CCDC62: variants seen among roughly 807,000 people sequenced by gnomAD.
CCDC62 encodes coiled-coil domain containing 62.
Under a neutral mutation model 80.8 loss-of-function variants are expected in CCDC62, and 72 were observed. That is an observed-to-expected ratio of 0.89 (90% CI 0.74 to 1.08). CCDC62 has a LOEUF of 1.08. Among genes scored for constraint, CCDC62 ranks in the 50% least tolerant of loss-of-function variants. The pLI is 0.00. For missense variants in CCDC62, 704 were observed against 809.4 expected, an observed-to-expected ratio of 0.87 and a Z score of 1.58; for synonymous variants, 286 against 296.5, an observed-to-expected ratio of 0.96 and a Z score of 0.36.
intron 8 of CCDC62, among the ~76,000 whole-genome samples, chr12:122,800,876 G>T (rs1447406316): frequency 6.6e-6 from 1 of 152,194 alleles, no homozygotes; most frequent in Non-Finnish European, 1.5e-5. Context: ...AAAAGGTTTT[G>T]TCACATTTCT....
intron 11 of CCDC62, among the ~76,000 whole-genome samples, chr12:122,821,410 G>A (rs761606713): frequency 3.3e-5 from 5 of 152,184 alleles, no homozygotes; most frequent in Non-Finnish European, 7.3e-5. Context: ...GCAATTGTAT[G>A]CAGTCACTTC....
chr12:122,800,834 G>A (rs2031259547), intron 8 of CCDC62, among the ~76,000 whole-genome samples: 1 of 152,150 alleles, frequency 6.6e-6, no homozygotes, highest in Admixed American at 6.5e-5. Context: ...CTGAATACAA[G>A]TGACATGAAA....
chr12:122,781,690 AAAAAAAG>A (rs780948327), intron 3 of CCDC62, among the ~76,000 whole-genome samples: 1 of 152,162 alleles, frequency 6.6e-6, no homozygotes, highest in East Asian at 1.9e-4. Context: ...TGTCTCAAAA[AAAAAAAG>A]AAAAAAGAAA....
At chr12:122,791,326 A>G (rs887503583) in intron 5 of CCDC62, among the ~76,000 whole-genome samples, 37 of 151,672 alleles carry the variant, frequency 2.4e-4, no homozygotes, top group Admixed American at 2.4e-3. Flanking sequence ...TTTAGTAGAG[A>G]CGGGGTTTTA....
chr12:122,775,093 C>CA (rs36059141), intron 1 of CCDC62, among the ~76,000 whole-genome samples: 43,976 of 60,520 alleles, frequency 0.73, 16,447 homozygotes, highest in Non-Finnish European at 0.81. Context: ...GACTCCGTCT[C>CA]AAAAAAAAAA....
At chr12:122,781,434 C>T (rs1388902255) in intron 3 of CCDC62, 104 bp downstream of exon 3, 1 of 1,112,656 alleles carries the variant, frequency 9.0e-7, no homozygotes, top group African/African-American at 1.6e-5. Context: ...TCCTGTAATG[C>T]CAACACTTTG....
At chr12:122,823,545 C>T (rs1199712851) in intron 12 of CCDC62, 86 bp downstream of exon 12, 2 of 706,614 alleles carry the variant, frequency 2.8e-6, no homozygotes, top group East Asian at 5.0e-5. Context: ...GAGTCAAGGC[C>T]ATGCATTTGT....
At chr12:122,780,443 C>T (rs1879777901) in intron 2 of CCDC62, among the ~76,000 whole-genome samples, 1 of 151,476 alleles carries the variant, frequency 6.6e-6, no homozygotes, top group African/African-American at 2.4e-5. Flanking sequence ...GAAACCCCGT[C>T]TCTACTAAAA....
chr12:122,811,331 C>G (rs1213294711), intron 10 of CCDC62, among the ~76,000 whole-genome samples: 1 of 149,300 alleles, frequency 6.7e-6, no homozygotes, highest in Non-Finnish European at 1.5e-5. Context: ...CCTGCCTCAG[C>G]CTCCCTAGTA....
At chr12:122,822,011 G>A (rs75471208) in intron 11 of CCDC62, among the ~76,000 whole-genome samples, 6,531 of 148,932 alleles carry the variant, frequency 0.044, 256 homozygotes, top group East Asian at 0.23. Context: ...GGAGGATCAC[G>A]TGAAGCCAGG....
At chr12:122,817,821 C>CGTGT (rs945002677) in intron 11 of CCDC62, among the ~76,000 whole-genome samples, 4 of 151,290 alleles carry the variant, frequency 2.6e-5, no homozygotes, top group Non-Finnish European at 4.4e-5. Context: ...TGCATGCATG[C>CGTGT]GTGTGTGTGT....
At position 122,801,687 on chromosome 12, in the gene CCDC62, A is replaced by G. The variant is rs1301129720; in HGVS notation, c.1541A>G (p.Lys514Arg). 6.2e-7 allele frequency: 1 copy of G among 1,614,190 alleles called. No homozygotes were observed. Residue 514 changes from lysine to arginine, a missense_variant, in exon 9 of 13, where the codon AAG becomes AGG. Coordinates refer to ENST00000253079, the MANE Select transcript of CCDC62 (RefSeq NM_201435.5). ...GGCGAAAGTGGCATGTGTGACTCCA[A>G]GTGCTGCCACCCGAGTAACTTCATA... is the stretch of plus-strand genomic sequence containing the variant. ...CLGESGMCDSKCCHPSNFIIE... is the reference protein window; with the variant it reads ...CLGESGMCDSRCCHPSNFIIE...
chr12:122,777,802 C>A, intron 2 of CCDC62, 119 bp downstream of exon 2: 1 of 904,072 alleles, frequency 1.1e-6, no homozygotes, highest in South Asian at 1.7e-5. Context: ...CAAGTTTAGG[C>A]TCATTGGAGA....
At chr12:122,803,099 C>T (rs764906117) in intron 9 of CCDC62, among the ~76,000 whole-genome samples, 1 of 152,040 alleles carries the variant, frequency 6.6e-6, no homozygotes, top group African/African-American at 2.4e-5. Context: ...AGGCTGGTCT[C>T]GAACTCCTGG....
intron 5 of CCDC62, among the ~76,000 whole-genome samples, chr12:122,790,744 A>T (rs901304333): frequency 6.6e-6 from 1 of 152,126 alleles, no homozygotes; most frequent in African/African-American, 2.4e-5. Context: ...GTGGGACTGC[A>T]GGTTCCAGCC....
At chr12:122,799,784 G>C (rs562239117) in intron 8 of CCDC62, among the ~76,000 whole-genome samples, 3 of 152,294 alleles carry the variant, frequency 2.0e-5, no homozygotes, top group Admixed American at 1.3e-4. Context: ...GCAGGGCTTA[G>C]TAGCTGCAGC....
intron 2 of CCDC62, among the ~76,000 whole-genome samples, chr12:122,778,217 G>A (rs1209507456): frequency 6.6e-6 from 1 of 151,926 alleles, no homozygotes; most frequent in Non-Finnish European, 1.5e-5. Flanking sequence ...AACTGGGCAT[G>A]GTGATGCACA....
chr12:122,775,301 C>T (rs1879364730), intron 1 of CCDC62, among the ~76,000 whole-genome samples: 1 of 151,966 alleles, frequency 6.6e-6, no homozygotes, highest in Admixed American at 6.6e-5. Flanking sequence ...CACAACCTGG[C>T]GAGTAGAGGA....
intron 10 of CCDC62, among the ~76,000 whole-genome samples, chr12:122,811,440 A>G (rs1330296509): frequency 1.7e-4 from 26 of 150,104 alleles, no homozygotes; most frequent in Non-Finnish European, 7.4e-5. Flanking sequence ...CAAACTCCCA[A>G]CCTCAGGTGA....
Sources: gnomAD v4.1 joint callset for allele counts (sites outside exome capture counted in the v4.1 genomes callset) on GRCh38, gnomAD v4.1.1 for gene constraint, MANE v1.5 for transcripts, NCBI Gene and HGNC (gene_info 2026-07-23, HGNC 2026-07-21) for gene names.